The following STARD13 variants were observed in gnomAD, a reference collection of about 807,000 sequenced individuals.
STARD13 encodes stAR-related lipid transfer protein 13.
Under a neutral mutation model 106.4 loss-of-function variants are expected in STARD13, and 62 were observed. The ratio of observed to expected loss-of-function variants is 0.58; its 90% CI spans 0.48 to 0.72. The LOEUF is 0.72. STARD13 is among the 30% of genes least tolerant of loss of function. The pLI is 0.00. For missense variants in STARD13, 1,387 were observed against 1,424.0 expected (o/e 0.97, Z 0.42); for synonymous variants, 565 against 553.0 (o/e 1.02, Z -0.31).
At chr13:33,347,267 G>A (rs901952791), downstream of STARD13, among the ~76,000 whole-genome samples, 13 of 151,986 alleles carry the variant, frequency 8.6e-5, no homozygotes, top group African/African-American at 1.2e-4. Context: ...ACAGAGTCTC[G>A]CTCTATTACC....
At chr13:33,522,498 C>T in the STARD13 span, among the ~76,000 whole-genome samples, 2 of 152,116 alleles carry the variant, frequency 1.3e-5, no homozygotes, top group Admixed American at 6.6e-5. Flanking sequence ...GTATCATACA[C>T]AGTAGTTTCA....
intron 7 of STARD13, among the ~76,000 whole-genome samples, chr13:33,124,643 C>CG (rs1243601706): frequency 6.6e-6 from 1 of 152,036 alleles, no homozygotes; most frequent in African/African-American, 2.4e-5. Context: ...TCAGAAGCTA[C>CG]GGGGGGCAGG....
the STARD13 span, among the ~76,000 whole-genome samples, chr13:33,400,273 T>C: frequency 1.3e-5 from 2 of 152,208 alleles, no homozygotes; most frequent in South Asian, 4.1e-4. Context: ...TCCTCCAAGT[T>C]CATCTATGTT....
chr13:33,641,886 T>TC, the STARD13 span, among the ~76,000 whole-genome samples: 1 of 152,218 alleles, frequency 6.6e-6, no homozygotes, highest in Admixed American at 6.5e-5. Flanking sequence ...AGGATTGTGA[T>TC]ATTTTTGTCA....
the STARD13 span, among the ~76,000 whole-genome samples, chr13:33,439,944 C>G: frequency 9.2e-5 from 14 of 152,144 alleles, no homozygotes; most frequent in African/African-American, 3.4e-4. Context: ...ATGGGGAAGA[C>G]GCATTAAATG....
chr13:33,551,568 C>CTTTTTTTTTTTT, the STARD13 span, among the ~76,000 whole-genome samples: 406 of 44,794 alleles, frequency 9.1e-3, 199 homozygotes, highest in Middle Eastern at 0.061. Flanking sequence ...TTTGCTTTTC[C>CTTTTTTTTTTTT]CTTTTTTTTT....
chr13:33,303,182 C>T (rs1335202510), intron 1 of STARD13, among the ~76,000 whole-genome samples: 4 of 152,186 alleles, frequency 2.6e-5, no homozygotes, highest in South Asian at 4.1e-4. Context: ...TCCCATGAAA[C>T]TTATTTCTGG....
At chr13:33,364,752 G>A in the STARD13 span, among the ~76,000 whole-genome samples, 14 of 152,318 alleles carry the variant, frequency 9.2e-5, no homozygotes, top group African/African-American at 1.4e-4. Flanking sequence ...AGCCAGGCGT[G>A]GTGGCGGGCG....
At chr13:33,616,885 C>T in the STARD13 span, among the ~76,000 whole-genome samples, 10 of 152,118 alleles carry the variant, frequency 6.6e-5, no homozygotes, top group African/African-American at 2.2e-4. Flanking sequence ...GGAAAAGTTT[C>T]CTCAAGGAAA....
At chr13:33,109,796 C>T in intron 12 of STARD13, 77 bp downstream of exon 12, 2 of 1,396,268 alleles carry the variant, frequency 1.4e-6, no homozygotes, top group Non-Finnish European at 2.0e-6. Context: ...GTGGGAGACA[C>T]CAGGAGAAGT....
chr13:33,414,047 A>AAAAAAAAAAAAAAAAAAG, the STARD13 span, among the ~76,000 whole-genome samples: 2 of 143,678 alleles, frequency 1.4e-5, no homozygotes, highest in African/African-American at 2.8e-5. Context: ...AAAAAAAAAA[A>AAAAAAAAAAAAAAAAAAG]AAAGAAAAGA....
intron 1 of STARD13, among the ~76,000 whole-genome samples, chr13:33,343,329 C>G (rs1333829734): frequency 6.6e-6 from 1 of 150,584 alleles, no homozygotes; most frequent in Admixed American, 6.6e-5. Flanking sequence ...CATCCCAGCA[C>G]CTTGGGAGGT....
the STARD13 span, among the ~76,000 whole-genome samples, chr13:33,619,609 G>T: frequency 1.3e-5 from 2 of 151,890 alleles, no homozygotes; most frequent in Non-Finnish European, 2.9e-5. Flanking sequence ...AAAGCCAATA[G>T]AGAATTTTAA....
the STARD13 span, among the ~76,000 whole-genome samples, chr13:33,560,976 A>T: frequency 6.6e-5 from 10 of 151,504 alleles, 2 homozygotes; most frequent in African/African-American, 2.4e-4. Flanking sequence ...AAATCCCTTC[A>T]GTGTTGGCAT....
chr13:33,552,394 C>G, the STARD13 span, among the ~76,000 whole-genome samples: 1 of 152,136 alleles, frequency 6.6e-6, no homozygotes, highest in Non-Finnish European at 1.5e-5. Context: ...GGCCATAAAA[C>G]ACATCTGAAT....
Position 33,195,571 on chromosome 13 carries a change from A to G in STARD13, c.170-27949T>C, listed in dbSNP as rs967103290. Among the ~76,000 whole-genome samples the G allele has an allele frequency of 5.9e-5, 9 of 152,236 alleles. No individual in the cohort carries two copies. The East Asian group carries it at 1.7e-3, about 29-fold the overall frequency. On this transcript the variant is annotated intron_variant, in intron 1 of 13. Coordinates refer to ENST00000336934, the MANE Select transcript of STARD13 (RefSeq NM_178006.4). ...AACCAGATTTGCCGCATGGACAGAA[A>G]CCAGCCATAACGATGCTGCAATTTT...
chr13:33,538,991 A>G, the STARD13 span, among the ~76,000 whole-genome samples: 5 of 152,214 alleles, frequency 3.3e-5, 1 homozygote, highest in East Asian at 3.9e-4. Context: ...GGATGGTCTC[A>G]ATCTCCTGAC....
At chr13:33,110,939 A>G (rs765126173) in intron 10 of STARD13, 32 bp from the exon 11 acceptor site, 42 of 1,582,250 alleles carry the variant, frequency 2.7e-5, no homozygotes, top group Non-Finnish European at 3.5e-5. Flanking sequence ...AGGGCAACAC[A>G]CTGAGCCAAA....
the STARD13 span, among the ~76,000 whole-genome samples, chr13:33,583,699 A>C: frequency 1.6e-4 from 24 of 152,206 alleles, no homozygotes; most frequent in Non-Finnish European, 2.9e-4. Context: ...CCTGTTCAGG[A>C]ACCATTGCAG....
Sources: gnomAD v4.1 joint callset for allele counts (sites outside exome capture counted in the v4.1 genomes callset) on GRCh38, gnomAD v4.1.1 for gene constraint, MANE v1.5 for transcripts, NCBI Gene and HGNC (gene_info 2026-07-23, HGNC 2026-07-21) for gene names.